Variants in NTRK3 observed in about 807,000 individuals in gnomAD.
The protein encoded by NTRK3 is neurotrophic receptor tyrosine kinase 3, also known as NT-3 growth factor receptor.
Under a neutral mutation model 91.7 loss-of-function variants are expected in NTRK3, and 24 were observed. The ratio of observed to expected loss-of-function variants is 0.26; its 90% CI spans 0.19 to 0.37. NTRK3 has a LOEUF of 0.37. Ranked by LOEUF, NTRK3 falls within the 10% of genes least tolerant of loss-of-function variation. The probability of loss-of-function intolerance (pLI) is 1.00; values close to 1 mark genes in which losing one functional copy is unlikely to be tolerated. For missense variants in NTRK3, 880 were observed against 1,068.9 expected, an observed-to-expected ratio of 0.82 and a Z score of 2.46; for synonymous variants, 483 against 404.0, an observed-to-expected ratio of 1.20 and a Z score of -2.34.
intron 13 of NTRK3, among the ~76,000 whole-genome samples, chr15:88,061,195 A>T (rs1042001436): frequency 6.6e-6 from 1 of 152,238 alleles, no homozygotes; most frequent in African/African-American, 2.4e-5. Flanking sequence ...AAAAAACAAT[A>T]ATTCATTAGA....
intron 5 of NTRK3, among the ~76,000 whole-genome samples, chr15:88,162,935 C>T (rs554418252): frequency 7.2e-5 from 11 of 152,266 alleles, no homozygotes; most frequent in South Asian, 4.2e-4. Flanking sequence ...GCACTGTGGC[C>T]ACTCTGTTTG....
intron 17 of NTRK3, among the ~76,000 whole-genome samples, chr15:87,889,624 T>C (rs1367879665): frequency 1.3e-5 from 2 of 152,052 alleles, no homozygotes; most frequent in African/African-American, 4.8e-5. Flanking sequence ...CTGAGTTGAA[T>C]AGTTACAGAA....
At chr15:88,127,934 C>A (rs985753915) in intron 11 of NTRK3, among the ~76,000 whole-genome samples, 1 of 152,180 alleles carries the variant, frequency 6.6e-6, no homozygotes. Context: ...ATTCAGAATT[C>A]TCTGAAGGAA....
chr15:88,120,636 T>C (rs1273177594), intron 13 of NTRK3, among the ~76,000 whole-genome samples: 1 of 152,208 alleles, frequency 6.6e-6, no homozygotes, highest in African/African-American at 2.4e-5. Context: ...AGCTCCTATC[T>C]TTCCCCAAGG....
chr15:88,233,716 G>A lies in NTRK3; in HGVS notation c.248+22190C>T, dbSNP rs538692722. On this transcript the variant is annotated intron_variant, in intron 3 of 18. Transcript: ENST00000394480. The surrounding 1 kb of genome is among the most constrained non-coding windows in gnomAD (Gnocchi z 4.2). ...GCTCTCCTCTCCTCCCTCTCCTCCT[G>A]GTCCTCCTTACTCTCCCTTCCTTCC... Among the ~76,000 whole-genome samples, 1 of 151,660 alleles carries A rather than the reference G, an allele frequency of 6.6e-6. No homozygotes were observed. Among genetic ancestry groups the A allele is most frequent in the African/African-American group, 2.4e-5 (1 of 41,300 alleles).
At chr15:88,135,532 C>T in intron 9 of NTRK3, 135 bp from the exon 10 acceptor site, 1 of 1,011,128 alleles carries the variant, frequency 9.9e-7, no homozygotes. Flanking sequence ...AGAAGTCCCA[C>T]CACAATCCCA....
intron 17 of NTRK3, among the ~76,000 whole-genome samples, chr15:87,891,191 T>C (rs986308348): frequency 6.6e-6 from 1 of 152,172 alleles, no homozygotes; most frequent in African/African-American, 2.4e-5. Flanking sequence ...ACCTTCAACC[T>C]ACAATCTTTG....
At chr15:88,086,467 T>C (rs1207702667) in intron 13 of NTRK3, among the ~76,000 whole-genome samples, 1 of 148,308 alleles carries the variant, frequency 6.7e-6, no homozygotes, top group Non-Finnish European at 1.5e-5. Flanking sequence ...TTTAGATATA[T>C]TGGGCTAAAA....
chr15:87,980,907 G>A (rs1220250492), intron 14 of NTRK3, among the ~76,000 whole-genome samples: 4 of 152,106 alleles, frequency 2.6e-5, no homozygotes, highest in Non-Finnish European at 5.9e-5. Flanking sequence ...GTTATCTGGG[G>A]TATGAAGGAA....
rs957804074 is a variant in NTRK3 at position 88,002,178 on chromosome 15, T to G, written c.1585+30679A>C. ...TGAAGGATAGTGGTTGTTTTTTTTT[T>G]TTTTTTTTTTTTTTTTTCCAAACTG... On this transcript the variant is annotated intron_variant, in intron 14 of 18. Coordinates refer to ENST00000394480, the Ensembl canonical transcript of NTRK3. Among the ~76,000 whole-genome samples, 810 of 146,322 alleles carry G rather than the reference T, an allele frequency of 5.5e-3. 5 individuals carry two copies. The highest frequency in any genetic ancestry group is 9.3e-3 in the Non-Finnish European group (620 of 66,526).
exon 19 of NTRK3, chr15:87,868,953 G>A (rs1308359540): frequency 8.8e-6 from 2 of 227,534 alleles, no homozygotes; most frequent in Middle Eastern, 2.7e-3. Flanking sequence ...GTTGCAATGG[G>A]ATCTTGAATC....
chr15:88,135,074 C>T, intron 10 of NTRK3, 27 bp downstream of exon 10: 1 of 1,613,884 alleles, frequency 6.2e-7, no homozygotes, highest in Non-Finnish European at 8.5e-7. Context: ...AATCCATACA[C>T]CTCCGATCCA....
chr15:88,066,792 C>T (rs550995367), intron 13 of NTRK3, among the ~76,000 whole-genome samples: 1 of 152,290 alleles, frequency 6.6e-6, no homozygotes, highest in African/African-American at 2.4e-5. Context: ...GTGGTTCTTA[C>T]ATTGGGCAGC....
At chr15:87,895,649 A>T (rs2066074861) in intron 17 of NTRK3, among the ~76,000 whole-genome samples, 1 of 152,062 alleles carries the variant, frequency 6.6e-6, no homozygotes, top group South Asian at 2.1e-4. Flanking sequence ...CAGATCTGGG[A>T]GATAATCAGC....
At chr15:88,107,844 C>A (rs983909147) in intron 13 of NTRK3, among the ~76,000 whole-genome samples, 28 of 152,086 alleles carry the variant, frequency 1.8e-4, no homozygotes, top group East Asian at 5.8e-4. Flanking sequence ...GTGGGAGAGC[C>A]AAACTGGAAG....
intron 13 of NTRK3, among the ~76,000 whole-genome samples, chr15:88,062,859 A>T (rs2046336586): frequency 6.6e-6 from 1 of 152,188 alleles, no homozygotes; most frequent in African/African-American, 2.4e-5. Flanking sequence ...CTCTCTTCAT[A>T]TGCCCACTCT....
intron 3 of NTRK3, among the ~76,000 whole-genome samples, chr15:88,191,458 A>G (rs1386947066): frequency 6.6e-6 from 1 of 152,080 alleles, no homozygotes; most frequent in Non-Finnish European, 1.5e-5. Flanking sequence ...GATGTTTTTT[A>G]TATGTGAGTA....
chr15:88,068,635 G>C (rs1317579688), intron 13 of NTRK3, among the ~76,000 whole-genome samples: 10 of 152,128 alleles, frequency 6.6e-5, no homozygotes, highest in Non-Finnish European at 1.0e-4. Context: ...TGAATCAAAG[G>C]CCTGCCAAAA....
At chr15:87,926,685 G>A (rs142495748) in intron 17 of NTRK3, 2 of 152,192 alleles carry the variant, frequency 1.3e-5, no homozygotes, top group East Asian at 3.9e-4. Context: ...TTTATTTTTT[G>A]TTTTTCCTCT....
Sources: gnomAD v4.1 joint callset for allele counts (sites outside exome capture counted in the v4.1 genomes callset) on GRCh38, gnomAD v4.1.1 for gene constraint, Gnocchi (gnomAD v3.1) non-coding constraint, MANE v1.5 for transcripts, NCBI Gene and HGNC (gene_info 2026-07-23, HGNC 2026-07-21) for gene names.